Variants in CCSER1 observed in about 807,000 individuals in gnomAD.
CCSER1 encodes coiled-coil serine rich protein 1, also known as serine-rich coiled-coil domain-containing protein 1.
In CCSER1, 41 loss-of-function variants were observed where a neutral mutation model predicts 82.0. The observed-to-expected ratio is 0.50, with a 90% CI of 0.39 to 0.65. CCSER1 has a LOEUF of 0.65. CCSER1 is among the 30% of genes least tolerant of loss of function. The pLI is 0.00. For synonymous variants in CCSER1, 414 were observed against 383.9 expected, an observed-to-expected ratio of 1.08 and a Z score of -0.92; for missense variants, 1,119 against 1,064.2, an observed-to-expected ratio of 1.05 and a Z score of -0.72.
chr4:90,654,349 T>C (rs1205984893), intron 6 of CCSER1, among the ~76,000 whole-genome samples: 1 of 152,182 alleles, frequency 6.6e-6, no homozygotes, highest in East Asian at 1.9e-4. Context: ...AAGGAATCCT[T>C]ATTACTTTAA....
intron 4 of CCSER1, among the ~76,000 whole-genome samples, chr4:90,403,487 A>T: frequency 7.5e-6 from 1 of 134,060 alleles, no homozygotes; most frequent in Non-Finnish European, 1.6e-5. Context: ...CGACAGAGCG[A>T]GACTCCGTCT....
At chr4:91,176,979 T>C (rs1158091469) in intron 10 of CCSER1, among the ~76,000 whole-genome samples, 1 of 152,190 alleles carries the variant, frequency 6.6e-6, no homozygotes, top group Non-Finnish European at 1.5e-5. Flanking sequence ...CTCTTATTAT[T>C]TTGAGATACG....
chr4:90,599,143 T>C (rs760563633), intron 5 of CCSER1, among the ~76,000 whole-genome samples: 2 of 152,052 alleles, frequency 1.3e-5, no homozygotes, highest in Non-Finnish European at 2.9e-5. Flanking sequence ...GATCCTCCAG[T>C]AGCAAAAATT....
At chr4:90,604,600 C>G (rs185458293) in intron 5 of CCSER1, among the ~76,000 whole-genome samples, 1 of 152,176 alleles carries the variant, frequency 6.6e-6, no homozygotes, top group Non-Finnish European at 1.5e-5. Flanking sequence ...TGCCCGCTTC[C>G]GGGATCCACT....
At chr4:90,856,532 C>T (rs1212532361) in intron 8 of CCSER1, among the ~76,000 whole-genome samples, 1 of 151,918 alleles carries the variant, frequency 6.6e-6, no homozygotes, top group South Asian at 2.1e-4. Context: ...AATCCATTCC[C>T]CTGGGTTCAG....
chr4:90,456,440 C>T (rs373163990), intron 4 of CCSER1, among the ~76,000 whole-genome samples: 2 of 152,186 alleles, frequency 1.3e-5, no homozygotes, highest in Non-Finnish European at 2.9e-5. Flanking sequence ...ATAGGAAAGA[C>T]TGGAGGTCCT....
intron 4 of CCSER1, among the ~76,000 whole-genome samples, chr4:90,420,314 T>C (rs1756492818): frequency 6.6e-6 from 1 of 152,014 alleles, no homozygotes; most frequent in Non-Finnish European, 1.5e-5. Flanking sequence ...TGTTAAATGA[T>C]GTACTTAAGT....
At chr4:90,142,002 A>G (rs1033369898) in intron 1 of CCSER1, among the ~76,000 whole-genome samples, 9 of 152,300 alleles carry the variant, frequency 5.9e-5, no homozygotes, top group Middle Eastern at 3.4e-3. Flanking sequence ...GTCACGTTTT[A>G]TTGATAGTCT....
chr4:90,386,771 T>G (rs2153535364), intron 3 of CCSER1, among the ~76,000 whole-genome samples: 1 of 152,288 alleles, frequency 6.6e-6, no homozygotes, highest in Middle Eastern at 3.4e-3. Flanking sequence ...TGTTTCCTAT[T>G]TTGGGAATCT....
intron 10 of CCSER1, among the ~76,000 whole-genome samples, chr4:91,230,258 A>G (rs2149114021): frequency 6.6e-6 from 1 of 152,250 alleles, no homozygotes; most frequent in African/African-American, 2.4e-5. Flanking sequence ...ATGTAATTAT[A>G]AAATACTCAT....
At chr4:90,860,875 T>C (rs1162376551) in intron 8 of CCSER1, among the ~76,000 whole-genome samples, 1 of 151,526 alleles carries the variant, frequency 6.6e-6, no homozygotes, top group African/African-American at 2.4e-5. Context: ...GAATGGGGAA[T>C]GATAGTTAAT....
At chr4:90,605,153 C>G (rs1003847414) in intron 5 of CCSER1, among the ~76,000 whole-genome samples, 12 of 152,196 alleles carry the variant, frequency 7.9e-5, no homozygotes, top group Non-Finnish European at 1.6e-4. Context: ...ACGAACCCCC[C>G]AGAAGGAAGA....
At chr4:90,254,686 C>A (rs1722952629) in intron 1 of CCSER1, among the ~76,000 whole-genome samples, 1 of 152,068 alleles carries the variant, frequency 6.6e-6, no homozygotes, top group South Asian at 2.1e-4. Context: ...CTTGTCTGTA[C>A]ATGCCGATAG....
chr4:90,938,809 T>C, intron 9 of CCSER1: 1 of 236,144 alleles, frequency 4.2e-6, no homozygotes, highest in Non-Finnish European at 9.1e-6. Flanking sequence ...AAATCAATTT[T>C]TTCATCATTT....
intron 10 of CCSER1, among the ~76,000 whole-genome samples, chr4:91,464,217 G>A (rs1169862244): frequency 6.6e-6 from 1 of 152,010 alleles, no homozygotes; most frequent in Non-Finnish European, 1.5e-5. Flanking sequence ...TTAAAGAAAA[G>A]TATTTTCAAA....
intron 3 of CCSER1, among the ~76,000 whole-genome samples, chr4:90,364,875 A>G (rs1361403193): frequency 2.0e-5 from 3 of 151,960 alleles, no homozygotes; most frequent in Non-Finnish European, 2.9e-5. Flanking sequence ...GAAACAAAAA[A>G]TTATAAACTA....
At position 91,510,255 on chromosome 4, in the gene CCSER1, C is replaced by G. The variant is rs370771733; in HGVS notation, c.2218-88317C>G. Among the ~76,000 whole-genome samples, 29 of 152,206 alleles carry G rather than the reference C, an allele frequency of 1.9e-4. 1 individual carries two copies. Among genetic ancestry groups the G allele is most frequent in the Admixed American group, 1.7e-3 (26 of 15,266 alleles). On this transcript the variant is annotated intron_variant, in intron 10 of 10. Transcript: ENST00000509176. ...TACATTTTATTTTCCAATCCACTGC[C>G]GATGGGCCCTTAGCTCGATTCCCTA...
intron 10 of CCSER1, among the ~76,000 whole-genome samples, chr4:91,569,973 T>A (rs1351807642): frequency 6.6e-6 from 1 of 152,110 alleles, no homozygotes; most frequent in East Asian, 1.9e-4. Flanking sequence ...TTCCTAGATA[T>A]GATGGGGGAA....
chr4:90,856,350 TA>T (rs1764464203), intron 8 of CCSER1, among the ~76,000 whole-genome samples: 1 of 152,166 alleles, frequency 6.6e-6, no homozygotes, highest in African/African-American at 2.4e-5. Context: ...ATATAGAAAG[TA>T]ACATTCGATG....
Sources: gnomAD v4.1 joint callset for allele counts (sites outside exome capture counted in the v4.1 genomes callset) on GRCh38, gnomAD v4.1.1 for gene constraint, MANE v1.5 for transcripts, NCBI Gene and HGNC (gene_info 2026-07-23, HGNC 2026-07-21) for gene names.